KLHL29: variants seen among roughly 807,000 people sequenced by gnomAD.
KLHL29 encodes kelch like family member 29.
KLHL29 carries 21 observed loss-of-function variants against 80.4 expected under a neutral mutation model. The ratio of observed to expected loss-of-function variants is 0.26; its 90% CI spans 0.19 to 0.38. The LOEUF is 0.38. Among genes scored for constraint, KLHL29 ranks in the 10% least tolerant of loss-of-function variants. KLHL29 has a pLI of 1.00. For missense variants in KLHL29, 867 were observed against 1,223.9 expected (o/e 0.71, Z 4.35); for synonymous variants, 511 against 526.8 (o/e 0.97, Z 0.41).
At chr2:23,675,543 G>A (rs1222191868) in intron 5 of KLHL29, among the ~76,000 whole-genome samples, 3 of 151,988 alleles carry the variant, frequency 2.0e-5, no homozygotes, top group Non-Finnish European at 2.9e-5. Flanking sequence ...CGGGCAGCTG[G>A]GACCCAAAGC....
At chr2:23,444,702 T>C (rs918296882) in intron 1 of KLHL29, among the ~76,000 whole-genome samples, 12 of 152,184 alleles carry the variant, frequency 7.9e-5, no homozygotes, top group African/African-American at 2.7e-4. Flanking sequence ...CATAAAATAG[T>C]CTTAAACTTA....
chr2:23,394,325 C>T (rs1666396344), intron 1 of KLHL29, among the ~76,000 whole-genome samples: 1 of 152,180 alleles, frequency 6.6e-6, no homozygotes, highest in Non-Finnish European at 1.5e-5. Flanking sequence ...CCTGGAGCTT[C>T]TAAATGAGGG....
At chr2:23,387,927 C>T (rs551066154) in intron 1 of KLHL29, among the ~76,000 whole-genome samples, 2 of 152,246 alleles carry the variant, frequency 1.3e-5, no homozygotes, top group East Asian at 3.9e-4. Flanking sequence ...TCTTATAAAC[C>T]ATATTTGCCT....
intron 3 of KLHL29, among the ~76,000 whole-genome samples, chr2:23,572,133 G>A (rs1225091934): frequency 1.3e-5 from 2 of 152,342 alleles, no homozygotes; most frequent in East Asian, 3.9e-4. Flanking sequence ...GTTTCTGTCT[G>A]AGGGAAATCC....
intron 3 of KLHL29, among the ~76,000 whole-genome samples, chr2:23,609,793 C>G (rs992789138): frequency 1.3e-5 from 2 of 152,092 alleles, no homozygotes; most frequent in African/African-American, 2.4e-5. Context: ...TGACTTATCC[C>G]CATTGTATGG....
intron 1 of KLHL29, among the ~76,000 whole-genome samples, chr2:23,403,455 G>C (rs1485350713): frequency 3.3e-5 from 5 of 152,028 alleles, no homozygotes; most frequent in African/African-American, 1.2e-4. Flanking sequence ...TTCCATGCTG[G>C]GGCTCCAGTA....
chr2:23,480,474 C>T (rs13407541), intron 2 of KLHL29, among the ~76,000 whole-genome samples: 9 of 143,486 alleles, frequency 6.3e-5, no homozygotes, highest in South Asian at 4.5e-4. Context: ...TAGGTGACAG[C>T]GGAAGATTCT....
At chr2:23,454,061 A>T (rs974858857) in intron 1 of KLHL29, among the ~76,000 whole-genome samples, 1 of 152,194 alleles carries the variant, frequency 6.6e-6, no homozygotes, top group African/African-American at 2.4e-5. Flanking sequence ...TGCTTTGAAG[A>T]GCCTAGCCTA....
chr2:23,629,590 T>TG (rs1558415428), intron 3 of KLHL29, among the ~76,000 whole-genome samples: 1 of 152,172 alleles, frequency 6.6e-6, no homozygotes, highest in Non-Finnish European at 1.5e-5. Context: ...AGGAAGGGGC[T>TG]GGGGGCCCGG....
intron 3 of KLHL29, among the ~76,000 whole-genome samples, chr2:23,606,189 G>GGAGA (rs757910245): frequency 0.43 from 59,633 of 139,896 alleles, 13,517 homozygotes; most frequent in Admixed American, 0.54. Flanking sequence ...AGAGAGAGAG[G>GGAGA]GAGAGAGAGA....
intron 3 of KLHL29, among the ~76,000 whole-genome samples, chr2:23,589,079 C>T (rs958601851): frequency 7.2e-5 from 11 of 152,378 alleles, no homozygotes; most frequent in Admixed American, 2.6e-4. Context: ...TCTCTCCACC[C>T]GCCCACTGGG....
chr2:23,580,106 C>T (rs999090274), intron 3 of KLHL29, among the ~76,000 whole-genome samples: 1 of 152,238 alleles, frequency 6.6e-6, no homozygotes, highest in Non-Finnish European at 1.5e-5. Context: ...CGCGGTGGCT[C>T]ACGCCTGTAA....
chr2:23,507,259 A>G (rs866487446), intron 2 of KLHL29: 20 of 223,262 alleles, frequency 9.0e-5, no homozygotes, highest in African/African-American at 4.4e-4. Flanking sequence ...AGGAAAATAA[A>G]TAGCAGGGAC....
At chr2:23,409,267 C>G (rs1666805160) in intron 1 of KLHL29, among the ~76,000 whole-genome samples, 1 of 152,182 alleles carries the variant, frequency 6.6e-6, no homozygotes, top group Non-Finnish European at 1.5e-5. Flanking sequence ...AGGCACTTCA[C>G]TCTCCGCAGC....
At chr2:23,473,717 C>T (rs1402577971) in intron 1 of KLHL29, among the ~76,000 whole-genome samples, 1 of 152,186 alleles carries the variant, frequency 6.6e-6, no homozygotes, top group East Asian at 1.9e-4. Context: ...TTGGGAGCCA[C>T]TTCTAAAGAT....
intron 3 of KLHL29, among the ~76,000 whole-genome samples, chr2:23,585,508 C>T (rs549677863): frequency 2.0e-5 from 3 of 152,236 alleles, no homozygotes; most frequent in African/African-American, 4.8e-5. Flanking sequence ...TGCACAGTCA[C>T]GAGAAGAGGG....
intron 3 of KLHL29, among the ~76,000 whole-genome samples, chr2:23,614,132 C>T (rs1304652517): frequency 6.6e-6 from 1 of 152,176 alleles, no homozygotes; most frequent in African/African-American, 2.4e-5. Flanking sequence ...TTGTCGCTTA[C>T]CTACCTATGA....
chr2:23,449,043 T>A (rs1253025392), intron 1 of KLHL29, among the ~76,000 whole-genome samples: 1 of 152,142 alleles, frequency 6.6e-6, no homozygotes, highest in African/African-American at 2.4e-5. Context: ...TCCCAGAGCT[T>A]ACACAGGAAG....
intron 2 of KLHL29, among the ~76,000 whole-genome samples, chr2:23,498,753 TA>T (rs560952217): frequency 1.3e-5 from 2 of 152,228 alleles, no homozygotes; most frequent in South Asian, 4.1e-4. Flanking sequence ...GAATTCTATT[TA>T]AGCTAAATTA....
Sources: gnomAD v4.1 joint callset for allele counts (sites outside exome capture counted in the v4.1 genomes callset) on GRCh38, gnomAD v4.1.1 for gene constraint, MANE v1.5 for transcripts, NCBI Gene and HGNC (gene_info 2026-07-23, HGNC 2026-07-21) for gene names.